The following CFAP47 variants were observed in gnomAD, a reference collection of about 807,000 sequenced individuals.
CFAP47 encodes the protein cilia- and flagella-associated protein 47.
A neutral mutation model predicts 148.1 loss-of-function variants in CFAP47; 29 were observed. That is an observed-to-expected ratio of 0.20 (90% CI 0.15 to 0.27). The LOEUF is 0.27. Among genes scored for constraint, CFAP47 ranks in the 10% least tolerant of loss-of-function variants. The pLI, the probability that CFAP47 is intolerant of heterozygous loss-of-function variation, is 1.00. For synonymous variants in CFAP47, 664 were observed against 577.3 expected, an observed-to-expected ratio of 1.15 and a Z score of -2.15; for missense variants, 1,872 against 1,697.5, an observed-to-expected ratio of 1.10 and a Z score of -1.81.
At chrX:36,101,072 A>T (rs988733324) in intron 32 of CFAP47, among the ~76,000 whole-genome samples, 1 of 111,033 alleles carries the variant, frequency 9.0e-6, no homozygotes, top group Non-Finnish European at 1.9e-5. Flanking sequence ...ATCAACCTGA[A>T]CTATCTTTCT....
chrX:36,283,435 T>G (rs1941100606), intron 50 of CFAP47, among the ~76,000 whole-genome samples: 1 of 111,736 alleles, frequency 8.9e-6, no homozygotes, highest in Non-Finnish European at 1.9e-5. Context: ...AAATAACAGG[T>G]GTTATTGTCC....
chrX:36,023,381 C>T (rs1937181311), intron 22 of CFAP47, among the ~76,000 whole-genome samples: 1 of 111,623 alleles, frequency 9.0e-6, no homozygotes, highest in African/African-American at 3.3e-5. Context: ...CTGTGGCCAC[C>T]ACCACTAGGA....
chrX:35,973,213 G>A (rs773152857), intron 13 of CFAP47, among the ~76,000 whole-genome samples: 29 of 110,527 alleles, frequency 2.6e-4, no homozygotes, highest in Non-Finnish European at 4.0e-4. Flanking sequence ...TTATTGCGAC[G>A]GAGTCTCGCT....
At chrX:36,248,496 T>TCACACACACACACACACACACACA (rs60595897) in intron 48 of CFAP47, among the ~76,000 whole-genome samples, 1 of 95,455 alleles carries the variant, frequency 1.0e-5, no homozygotes, top group African/African-American at 3.9e-5. Flanking sequence ...ACATATTATA[T>TCACACACACACACACACACACACA]CACACACACA....
intron 33 of CFAP47, among the ~76,000 whole-genome samples, chrX:36,131,064 T>C (rs1938939588): frequency 9.0e-6 from 1 of 110,754 alleles, no homozygotes; most frequent in Non-Finnish European, 1.9e-5. Flanking sequence ...TAAAATGGTG[T>C]TATCAGATTG....
chrX:35,923,851 G>A (rs868475568), intron 1 of CFAP47, among the ~76,000 whole-genome samples: 8 of 96,564 alleles, frequency 8.3e-5, no homozygotes, highest in Admixed American at 3.4e-4. Context: ...ATATATGTGT[G>A]TATATATATA....
At chrX:35,999,102 A>G (rs1936883337) in intron 19 of CFAP47, among the ~76,000 whole-genome samples, 1 of 112,020 alleles carries the variant, frequency 8.9e-6, no homozygotes, top group Non-Finnish European at 1.9e-5. Flanking sequence ...AAATGAGCAC[A>G]TATACAATGC....
At chrX:36,205,326 T>G (rs1409875285) in intron 45 of CFAP47, among the ~76,000 whole-genome samples, 2 of 111,951 alleles carry the variant, frequency 1.8e-5, no homozygotes, top group Non-Finnish European at 3.8e-5. Context: ...TGTACTGAAT[T>G]TGGGTGCTAA....
intron 3 of CFAP47, among the ~76,000 whole-genome samples, chrX:35,942,873 T>C (rs1936030313): frequency 8.9e-6 from 1 of 111,936 alleles, no homozygotes; most frequent in Non-Finnish European, 1.9e-5. Flanking sequence ...GCATTGGCTA[T>C]TAGGATTATG....
chrX:36,122,708 A>G (rs2080550295), intron 33 of CFAP47, among the ~76,000 whole-genome samples: 1 of 111,038 alleles, frequency 9.0e-6, no homozygotes, highest in African/African-American at 3.3e-5. Context: ...CCTTCTCCAT[A>G]TTATCTTGAA....
intron 35 of CFAP47, chrX:36,144,519 G>T (rs1939197879): frequency 7.0e-6 from 7 of 999,996 alleles, no homozygotes; most frequent in Non-Finnish European, 7.8e-6. Context: ...AACTTGACTG[G>T]ATTGAAGGAT....
intron 45 of CFAP47, among the ~76,000 whole-genome samples, chrX:36,213,211 A>T (rs1225939387): frequency 9.0e-6 from 1 of 111,440 alleles, no homozygotes; most frequent in Non-Finnish European, 1.9e-5. Flanking sequence ...TATGTTTCTA[A>T]TTGCTGTATC....
rs1555994526 is a variant in CFAP47, at chrX:36,236,049, T to G, written c.7130T>G (p.Phe2377Cys). ...PDEIVEYPLT[F>C]KPIFECVITG... ...GAAATTGTGGAGTATCCTCTCACAT[T>G]CAAACCTATTTTTGAATGTGTCATT... is the stretch of plus-strand genomic sequence containing the variant. Residue 2377 changes from phenylalanine (F) to cysteine (C), a missense_variant, in exon 47 of 64, where the codon TTC becomes TGC. Transcript: ENST00000378653. 2.0e-6 allele frequency: 1 copy of G among 506,933 alleles called. No homozygotes were observed. Among genetic ancestry groups the G allele is most frequent in the Admixed American group, 2.9e-5 (1 of 34,648 alleles). 41.8% of individuals were successfully genotyped at this position (506,933 alleles called of 1,213,427 possible).
chrX:36,134,350 C>G (rs1433716452), intron 33 of CFAP47, among the ~76,000 whole-genome samples: 1 of 110,734 alleles, frequency 9.0e-6, no homozygotes, highest in Non-Finnish European at 1.9e-5. Context: ...ATTAAAATAG[C>G]CAAAACAATT....
rs751395733 is a variant in CFAP47 at position 36,114,057 on chromosome X, G to A, written c.5320+9366G>A. Reference sequence around the variant, plus strand: ...GATCTGCTGACCTCGTGATCTGCCCGCCTTGGCCTCCCAAGTCTGACTGTC... The same window carrying A: ...GATCTGCTGACCTCGTGATCTGCCCACCTTGGCCTCCCAAGTCTGACTGTC... On this transcript the variant is annotated intron_variant, in intron 33 of 63. Coordinates refer to ENST00000378653, the MANE Select transcript of CFAP47 (RefSeq NM_001304548.2). Among the ~76,000 whole-genome samples, 22 of 110,759 alleles carry A rather than the reference G, an allele frequency of 2.0e-4. No individual in the cohort carries two copies. In the South Asian group the frequency reaches 5.4e-3, roughly 27 times the overall value.
intron 54 of CFAP47, among the ~76,000 whole-genome samples, chrX:36,305,842 G>A (rs782236797): frequency 4.3e-4 from 48 of 111,590 alleles, no homozygotes; most frequent in Admixed American, 7.7e-4. Flanking sequence ...AAACATTCAA[G>A]ATATCAGAGA....
chrX:36,286,775 C>A lies in CFAP47; in HGVS notation c.7686+1049C>A, dbSNP rs190125697. 3.3e-4 allele frequency among the ~76,000 whole-genome samples: 37 copies of A among 111,124 alleles called. No individual in the cohort carries two copies. In the East Asian group the frequency reaches 9.5e-3, roughly 29 times the overall value. On this transcript the variant is annotated intron_variant, in intron 51 of 63. Transcript: ENST00000378653. The stretch of plus-strand genomic sequence containing the variant: ...AAAAAATTGAGTGCATGATGTAGCA[C>A]CTCAGAAAAGGAGAAATTGGCTTTC...
At chrX:35,920,876 C>A (rs1336747171) in intron 1 of CFAP47, among the ~76,000 whole-genome samples, 1 of 111,068 alleles carries the variant, frequency 9.0e-6, no homozygotes, top group African/African-American at 3.3e-5. Context: ...AAAAGATGTC[C>A]GTAATTTTAG....
At chrX:36,135,308 A>G (rs190381334) in intron 33 of CFAP47, among the ~76,000 whole-genome samples, 6 of 111,734 alleles carry the variant, frequency 5.4e-5, no homozygotes, top group Admixed American at 1.9e-4. Flanking sequence ...TTTTAAAAAA[A>G]GAATTGCTGA....
Sources: allele counts gnomAD v4.1 joint callset (sites outside exome capture counted in the v4.1 genomes callset), GRCh38; gene constraint gnomAD v4.1.1; transcripts MANE v1.5; gene names NCBI Gene and HGNC (gene_info 2026-07-23, HGNC 2026-07-21).